Variants in ADIPOR2 observed in about 807,000 individuals in gnomAD.
ADIPOR2 encodes adiponectin receptor protein 2.
In ADIPOR2, 18 loss-of-function variants were observed where a neutral mutation model predicts 40.9. The ratio of observed to expected loss-of-function variants is 0.44; its 90% confidence interval spans 0.30 to 0.65. ADIPOR2 has a LOEUF of 0.65. Ranked by LOEUF, ADIPOR2 falls within the 30% of genes least tolerant of loss-of-function variation. The pLI, the probability that ADIPOR2 is intolerant of heterozygous loss-of-function variation, is 0.09. For synonymous variants in ADIPOR2, 165 were observed against 166.4 expected, an observed-to-expected ratio of 0.99 and a Z score of 0.06; for missense variants, 283 against 479.2, an observed-to-expected ratio of 0.59 and a Z score of 3.82.
intron 2 of ADIPOR2, among the ~76,000 whole-genome samples, chr12:1,763,050 C>A (rs979186746): frequency 5.9e-5 from 9 of 152,188 alleles, no homozygotes; most frequent in African/African-American, 2.2e-4. Context: ...AAATAAAATA[C>A]CTGTGTGTAC....
chr12:1,700,936 C>T (rs1311114184), intron 1 of ADIPOR2, among the ~76,000 whole-genome samples: 9 of 151,696 alleles, frequency 5.9e-5, no homozygotes, highest in Admixed American at 1.3e-4. Context: ...ATATTTCAAA[C>T]ATACATGAGA....
intron 2 of ADIPOR2, chr12:1,757,819 A>ATG: frequency 1.2e-6 from 1 of 848,282 alleles, no homozygotes; most frequent in South Asian, 1.3e-5. Context: ...GAACCTCTGC[A>ATG]TGTAATCTTC....
chr12:1,742,869 G>A (rs1283237143), intron 1 of ADIPOR2, among the ~76,000 whole-genome samples: 1 of 152,148 alleles, frequency 6.6e-6, no homozygotes, highest in African/African-American at 2.4e-5. Context: ...CAAAAGCAAG[G>A]CAAGTGTGAT....
At chr12:1,766,733 G>A (rs531422542) in intron 2 of ADIPOR2, among the ~76,000 whole-genome samples, 181 of 152,190 alleles carry the variant, frequency 1.2e-3, no homozygotes, top group Admixed American at 2.2e-3. Flanking sequence ...AAGATATTAG[G>A]TTGAATAAAG....
chr12:1,692,740 T>A (rs911022931), intron 1 of ADIPOR2, among the ~76,000 whole-genome samples: 23 of 152,008 alleles, frequency 1.5e-4, no homozygotes, highest in Admixed American at 5.9e-4. Flanking sequence ...TTTTTTTTTT[T>A]AGTATAAATC....
At chr12:1,738,381 C>CA (rs1364410750) in intron 1 of ADIPOR2, among the ~76,000 whole-genome samples, 1 of 151,704 alleles carries the variant, frequency 6.6e-6, no homozygotes, top group Admixed American at 6.6e-5. Context: ...GACCTTGTCT[C>CA]AAAAAAAATT....
intron 1 of ADIPOR2, among the ~76,000 whole-genome samples, chr12:1,748,634 T>C (rs535776608): frequency 2.0e-5 from 3 of 152,036 alleles, no homozygotes; most frequent in African/African-American, 4.8e-5. Flanking sequence ...GTTTTTTTTT[T>C]AAGTTTTTTG....
chr12:1,783,712 G>A (rs1351362101), intron 6 of ADIPOR2, among the ~76,000 whole-genome samples, 168 bp from the exon 7 acceptor site: 1 of 152,222 alleles, frequency 6.6e-6, no homozygotes, highest in African/African-American at 2.4e-5. Context: ...TTGTGTGACA[G>A]TGTCCCAGAG....
In ADIPOR2 at chr12:1,754,432, C is replaced by T. The variant is rs1177334159; in HGVS notation, c.89C>T (p.Thr30Ile). The change falls in exon 2 of 8, where the codon ACA becomes ATA. Residue 30 changes from threonine to isoleucine, a missense_variant. Physicochemically the swap from Thr to Ile is moderately conservative, Grantham distance 89. This residue lies in a region of ADIPOR2 where 65 missense variants were observed against 79.9 expected (regional missense o/e 0.81). Transcript: ENST00000357103. ...RLRKGHQLDG[T>I]RRGDNDSHQG... Reference sequence around the variant, plus strand: ...AGAAAAGGGCACCAACTGGATGGTACACGAAGAGGTGATAATGACAGCCAC... The same window carrying T: ...AGAAAAGGGCACCAACTGGATGGTATACGAAGAGGTGATAATGACAGCCAC... 6.2e-7 allele frequency: 1 copy of T among 1,613,618 alleles called. No homozygotes were observed. The highest frequency in any genetic ancestry group is 1.7e-5 in the Admixed American group (1 of 59,944).
Position 1,698,977 on chromosome 12 carries a change from C to T in ADIPOR2, c.-87+7786C>T, listed in dbSNP as rs74058880. 1.5e-3 allele frequency among the ~76,000 whole-genome samples: 223 copies of T among 152,238 alleles called. 1 individual carries two copies. Among genetic ancestry groups the T allele is most frequent in the African/African-American group, 5.2e-3 (218 of 41,544 alleles). On this transcript the variant is annotated intron_variant, in intron 1 of 7. Transcript: ENST00000357103. ...ATAGCATTCTTTTAAAGTTGATTTA[C>T]GATTACTTCAGGTGGAGCATGCATT...
intron 1 of ADIPOR2, among the ~76,000 whole-genome samples, chr12:1,693,610 T>C (rs1201299596): frequency 6.6e-6 from 1 of 152,034 alleles, no homozygotes; most frequent in Admixed American, 6.5e-5. Context: ...CTTGGCTCAC[T>C]GCAACCTCTG....
chr12:1,764,539 A>G (rs1862333017), intron 2 of ADIPOR2, among the ~76,000 whole-genome samples: 1 of 147,676 alleles, frequency 6.8e-6, no homozygotes, highest in East Asian at 2.0e-4. Flanking sequence ...AAAACAACAA[A>G]AACCTTATTA....
chr12:1,743,560 T>G (rs768869107), intron 1 of ADIPOR2, among the ~76,000 whole-genome samples: 9 of 151,472 alleles, frequency 5.9e-5, no homozygotes, highest in Non-Finnish European at 1.2e-4. Flanking sequence ...AGTCTAAGCT[T>G]CTCTGGATGG....
intron 1 of ADIPOR2, among the ~76,000 whole-genome samples, chr12:1,708,289 A>G (rs891393952): frequency 6.6e-6 from 1 of 151,966 alleles, no homozygotes; most frequent in Non-Finnish European, 1.5e-5. Flanking sequence ...CCAGTCCACC[A>G]GGGATACCGA....
intron 1 of ADIPOR2, among the ~76,000 whole-genome samples, chr12:1,745,219 C>T (rs1213321590): frequency 1.3e-5 from 2 of 152,200 alleles, no homozygotes; most frequent in Non-Finnish European, 2.9e-5. Flanking sequence ...ACTTTCATCT[C>T]TTGGTACCCA....
intron 1 of ADIPOR2, among the ~76,000 whole-genome samples, chr12:1,722,045 T>G (rs1315653587): frequency 2.0e-5 from 3 of 152,204 alleles, no homozygotes; most frequent in African/African-American, 4.8e-5. Flanking sequence ...TGAAAAAGAT[T>G]ACTGTCGCTG....
At chr12:1,769,147 C>T (rs1592624972) in intron 2 of ADIPOR2, among the ~76,000 whole-genome samples, 2 of 152,148 alleles carry the variant, frequency 1.3e-5, no homozygotes, top group Non-Finnish European at 2.9e-5. Flanking sequence ...ATAGTAATTT[C>T]ACTCATAATA....
intron 1 of ADIPOR2, among the ~76,000 whole-genome samples, chr12:1,706,164 T>C (rs1410093480): frequency 6.7e-6 from 1 of 148,380 alleles, no homozygotes; most frequent in African/African-American, 2.5e-5. Context: ...TTCTCTGTTT[T>C]GTACGTTGTG....
At chr12:1,699,006 T>C (rs1348209733) in intron 1 of ADIPOR2, among the ~76,000 whole-genome samples, 1 of 152,260 alleles carries the variant, frequency 6.6e-6, no homozygotes, top group South Asian at 2.1e-4. Flanking sequence ...ATGCATTCTG[T>C]TCCCGGGCCT....
Sources: gnomAD v4.1 joint callset for allele counts (sites outside exome capture counted in the v4.1 genomes callset) on GRCh38, gnomAD v4.1.1 for gene constraint, gnomAD v4.1.1 regional missense constraint, MANE v1.5 for transcripts, NCBI Gene and HGNC (gene_info 2026-07-23, HGNC 2026-07-21) for gene names.